Variants in EPHB1 observed in about 807,000 individuals in gnomAD.
EPHB1 encodes ephrin type-B receptor 1.
Under a neutral mutation model 94.4 loss-of-function variants are expected in EPHB1, and 30 were observed. The observed-to-expected ratio is 0.32, with a 90% confidence interval of 0.24 to 0.43. The LOEUF is 0.43. Ranked by LOEUF, EPHB1 falls within the 20% of genes least tolerant of loss-of-function variation. The pLI, the probability that EPHB1 is intolerant of heterozygous loss-of-function variation, is 1.00. For synonymous variants in EPHB1, 522 were observed against 489.1 expected (o/e 1.07, Z -0.89); for missense variants, 1,055 against 1,308.3 (o/e 0.81, Z 2.99).
At chr3:135,121,628 G>A (rs1005548009) in intron 4 of EPHB1, among the ~76,000 whole-genome samples, 2 of 152,222 alleles carry the variant, frequency 1.3e-5, no homozygotes, top group Non-Finnish European at 2.9e-5. Context: ...GTGCTCTGGG[G>A]ATTCTTCCTC....
chr3:134,907,089 G>A (rs1301011375), intron 1 of EPHB1, among the ~76,000 whole-genome samples: 5 of 152,168 alleles, frequency 3.3e-5, no homozygotes, highest in African/African-American at 1.2e-4. Flanking sequence ...TATGGGCCAG[G>A]TGCAGTGTTA....
At chr3:134,834,942 C>T (rs2036645679) in intron 1 of EPHB1, among the ~76,000 whole-genome samples, 1 of 152,186 alleles carries the variant, frequency 6.6e-6, no homozygotes, top group Admixed American at 6.5e-5. Flanking sequence ...TTATTTCTGT[C>T]ACCTATGAGT....
intron 1 of EPHB1, among the ~76,000 whole-genome samples, chr3:134,834,961 G>A (rs1407991735): frequency 6.6e-6 from 1 of 152,138 alleles, no homozygotes; most frequent in Non-Finnish European, 1.5e-5. Flanking sequence ...GTGATTGACT[G>A]TCTGTCCTGG....
chr3:135,151,678 A>G (rs1347560561), intron 5 of EPHB1, among the ~76,000 whole-genome samples: 1 of 152,110 alleles, frequency 6.6e-6, no homozygotes, highest in African/African-American at 2.4e-5. Flanking sequence ...CTCAATAAAT[A>G]TGTTTAATTA....
chr3:134,971,344 A>G (rs1388169617), intron 3 of EPHB1, among the ~76,000 whole-genome samples: 1 of 152,188 alleles, frequency 6.6e-6, no homozygotes, highest in Non-Finnish European at 1.5e-5. Flanking sequence ...TTTCCTCACC[A>G]GTGGCATCAT....
At chr3:135,074,883 G>A (rs970465068) in intron 3 of EPHB1, among the ~76,000 whole-genome samples, 1 of 152,076 alleles carries the variant, frequency 6.6e-6, no homozygotes, top group Non-Finnish European at 1.5e-5. Flanking sequence ...CAGGGTGGTG[G>A]GGTGGAAATG....
chr3:134,951,558 G>T lies in EPHB1; in HGVS notation c.311G>T (p.Gly104Val). 6.2e-7 allele frequency: 1 copy of T among 1,613,916 alleles called. No individual in the cohort carries two copies. The highest frequency in any genetic ancestry group is 1.6e-4 in the Middle Eastern group (1 of 6,062). ...RDCSSLPNVP[G>V]SCKETFNLYY... ...TGCAGCAGCCTCCCTAATGTCCCAGGATCCTGCAAGGAGACCTTCAACTTG... is the reference window on the plus strand; with the variant it reads ...TGCAGCAGCCTCCCTAATGTCCCAGTATCCTGCAAGGAGACCTTCAACTTG... The change falls in exon 3 of 16, where the codon GGA (glycine) becomes GTA (valine). Residue 104 changes from glycine (G) to valine (V), a missense_variant. Transcript: ENST00000398015. The surrounding 1 kb of genome is among the most constrained non-coding windows in gnomAD (Gnocchi z 4.5).
chr3:135,082,887 C>T, intron 3 of EPHB1, among the ~76,000 whole-genome samples: 1 of 152,084 alleles, frequency 6.6e-6, no homozygotes, highest in East Asian at 1.9e-4. Flanking sequence ...GCAGGGGAGG[C>T]AAGCAGGTGA....
intron 3 of EPHB1, among the ~76,000 whole-genome samples, chr3:134,963,165 CCTTCCTTCCTTCCTTCCTT>C (rs1230624652): frequency 5.3e-5 from 8 of 150,556 alleles, no homozygotes; most frequent in African/African-American, 1.7e-4. Context: ...TTCCTTCCTT[CCTTCCTTCCTTCCTTCCTT>C]CTTCCTTCTT....
intron 3 of EPHB1, among the ~76,000 whole-genome samples, chr3:135,031,362 T>A (rs1374161632): frequency 2.6e-5 from 4 of 152,194 alleles, no homozygotes; most frequent in Non-Finnish European, 5.9e-5. Context: ...TTGTCTGGAG[T>A]GTAGTGGCCT....
intron 4 of EPHB1, among the ~76,000 whole-genome samples, chr3:135,107,876 A>G (rs1334006831): frequency 1.3e-5 from 2 of 152,228 alleles, no homozygotes; most frequent in Non-Finnish European, 2.9e-5. Flanking sequence ...ATTAACAAAA[A>G]TGATTGTTTC....
At chr3:135,198,841 A>G (rs1942689494) in intron 11 of EPHB1, among the ~76,000 whole-genome samples, 1 of 152,176 alleles carries the variant, frequency 6.6e-6, no homozygotes, top group Non-Finnish European at 1.5e-5. Flanking sequence ...CTTATTTTAC[A>G]GATGTGGAAA....
At chr3:135,247,675 C>T (rs6801504) in intron 13 of EPHB1, among the ~76,000 whole-genome samples, 1,691 of 152,276 alleles carry the variant, frequency 0.011, 32 homozygotes, top group African/African-American at 0.039. Context: ...TCATTTTGGA[C>T]CACCTTGTTA....
In EPHB1 at chr3:134,951,943, G is replaced by A. The variant is rs1186347309; in HGVS notation, c.696G>A (p.Val232=). Residue 232 remains valine (V), a synonymous_variant, in exon 3 of 16, where the codon GTG becomes GTA. Transcript: ENST00000398015. This position sits in a 1 kb window ranked among gnomAD's most constrained non-coding sequence, Gnocchi z 4.5. ...RGTCIPNAEE[V]DVPIKLYCNG... ...CATGCATCCCCAACGCAGAGGAAGT[G>A]GACGTGCCCATCAAACTCTACTGCA... 3.1e-6 allele frequency: 5 copies of A among 1,613,920 alleles called. No homozygotes were observed. Among genetic ancestry groups the A allele is most frequent in the Non-Finnish European group, 4.2e-6 (5 of 1,179,918 alleles).
intron 1 of EPHB1, among the ~76,000 whole-genome samples, chr3:134,883,044 G>C (rs548494033): frequency 3.3e-5 from 5 of 151,972 alleles, no homozygotes; most frequent in African/African-American, 4.8e-5. Flanking sequence ...GGATGGTCTC[G>C]ATCTCCTGAC....
chr3:134,917,609 A>G (rs1257026190), intron 1 of EPHB1, among the ~76,000 whole-genome samples: 3 of 152,256 alleles, frequency 2.0e-5, no homozygotes, highest in Admixed American at 1.3e-4. Context: ...TGTAGTGGGG[A>G]GGACTGTGCT....
At chr3:135,155,965 G>A (rs571771925) in intron 6 of EPHB1, among the ~76,000 whole-genome samples, 31 of 152,050 alleles carry the variant, frequency 2.0e-4, no homozygotes, top group Admixed American at 1.1e-3. Context: ...GGATGATGGT[G>A]TAATCAGGGT....
chr3:134,803,598 C>G (rs1330444077), intron 1 of EPHB1, among the ~76,000 whole-genome samples: 1 of 152,208 alleles, frequency 6.6e-6, no homozygotes, highest in East Asian at 1.9e-4. Context: ...CCCAACCACT[C>G]ATTGAGCATT....
intron 1 of EPHB1, among the ~76,000 whole-genome samples, chr3:134,913,089 T>C (rs74815117): frequency 0.033 from 5,039 of 152,304 alleles, 281 homozygotes; most frequent in African/African-American, 0.11. Flanking sequence ...GGCTCAGGAC[T>C]TCATCTTTAT....
Sources: allele counts gnomAD v4.1 joint callset (sites outside exome capture counted in the v4.1 genomes callset), GRCh38; gene constraint gnomAD v4.1.1; non-coding constraint Gnocchi (gnomAD v3.1); transcripts MANE v1.5; gene names NCBI Gene and HGNC (gene_info 2026-07-23, HGNC 2026-07-21).